Variants in SCHIP1 observed in about 807,000 individuals in gnomAD.
SCHIP1 encodes schwannomin interacting protein 1.
SCHIP1 carries 8 observed loss-of-function variants against 29.7 expected under a neutral mutation model. The ratio of observed to expected loss-of-function variants is 0.27; its 90% CI spans 0.16 to 0.49. SCHIP1 has a LOEUF of 0.49. Ranked by LOEUF, SCHIP1 falls within the 20% of genes least tolerant of loss-of-function variation. The pLI is 0.99. For missense variants in SCHIP1, 193 were observed against 294.6 expected (o/e 0.66, Z 2.52); for synonymous variants, 76 against 94.9 (o/e 0.80, Z 1.16).
At chr3:159,508,351 C>T in the SCHIP1 span, among the ~76,000 whole-genome samples, 1 of 152,104 alleles carries the variant, frequency 6.6e-6, no homozygotes, top group South Asian at 2.1e-4. Context: ...TTTGATTCTT[C>T]TCTCTTTTCT....
At chr3:159,390,561 TA>T in the SCHIP1 span, among the ~76,000 whole-genome samples, 4 of 152,068 alleles carry the variant, frequency 2.6e-5, no homozygotes, top group Admixed American at 6.6e-5. Flanking sequence ...TGAACTTATT[TA>T]AAAAAACAAA....
the SCHIP1 span, among the ~76,000 whole-genome samples, chr3:159,529,069 TATAG>T: frequency 9.6e-3 from 1,468 of 152,212 alleles, 14 homozygotes; most frequent in Non-Finnish European, 0.015. Flanking sequence ...AGATAATATA[TATAG>T]ATAATGTATA....
the SCHIP1 span, among the ~76,000 whole-genome samples, chr3:159,682,155 T>G: frequency 3.3e-5 from 5 of 152,212 alleles, no homozygotes; most frequent in Middle Eastern, 6.4e-3. Context: ...TACTTATCCT[T>G]TCTGAGGTTT....
At chr3:159,551,850 G>A in the SCHIP1 span, among the ~76,000 whole-genome samples, 1 of 152,098 alleles carries the variant, frequency 6.6e-6, no homozygotes, top group Non-Finnish European at 1.5e-5. Context: ...CCAGAATTCA[G>A]ATTGGAGGTA....
chr3:159,685,083 T>C, the SCHIP1 span, among the ~76,000 whole-genome samples: 1 of 152,160 alleles, frequency 6.6e-6, no homozygotes, highest in Non-Finnish European at 1.5e-5. Context: ...TCAACCAATA[T>C]TTATTGACCC....
the SCHIP1 span, among the ~76,000 whole-genome samples, chr3:159,614,628 T>C: frequency 6.6e-6 from 1 of 152,346 alleles, no homozygotes; most frequent in East Asian, 1.9e-4. Flanking sequence ...TCTCAACCCT[T>C]CTCAATTCTG....
the SCHIP1 span, among the ~76,000 whole-genome samples, chr3:159,334,061 C>A: frequency 6.6e-6 from 1 of 152,164 alleles, no homozygotes; most frequent in African/African-American, 2.4e-5. Flanking sequence ...TGCCAAAGAT[C>A]ATGTTTTATG....
At position 159,892,308 on chromosome 3, in the gene SCHIP1, A is replaced by T. The variant is rs1577505555; in HGVS notation, c.683+118A>T. 6.8e-6 allele frequency: 8 copies of T among 1,182,398 alleles called. No individual in the cohort carries two copies. The East Asian group carries it at 2.0e-4, about 30-fold the overall frequency. The allele number at this position is 1,182,398 out of a possible 1,614,324, so 73.2% of individuals were successfully genotyped here. A position where few individuals can be genotyped will look rare whatever the true frequency, so the allele number is the denominator to read the frequency against. On this transcript the variant is annotated intron_variant, in intron 6 of 6. Transcript: ENST00000445224. ...CTCTACTTCCATAAATAACTCACCTAGCCTTTTCTGGTGCCAGCTGTTCAG... is the reference window on the plus strand; with the variant it reads ...CTCTACTTCCATAAATAACTCACCTTGCCTTTTCTGGTGCCAGCTGTTCAG...
chr3:159,305,790 G>A, the SCHIP1 span, among the ~76,000 whole-genome samples: 2 of 152,188 alleles, frequency 1.3e-5, no homozygotes, highest in African/African-American at 4.8e-5. Flanking sequence ...GATTCAGGGA[G>A]GTTAAATGGA....
chr3:159,697,269 T>G, the SCHIP1 span, among the ~76,000 whole-genome samples: 16 of 152,156 alleles, frequency 1.1e-4, no homozygotes, highest in African/African-American at 3.9e-4. Flanking sequence ...GAAGAAAGAC[T>G]AAAGGATAAT....
At chr3:159,440,359 G>T in the SCHIP1 span, among the ~76,000 whole-genome samples, 1 of 152,050 alleles carries the variant, frequency 6.6e-6, no homozygotes, top group African/African-American at 2.4e-5. Flanking sequence ...CTCCAGCCTT[G>T]TTCCTTTTTC....
At chr3:159,410,535 C>T in the SCHIP1 span, among the ~76,000 whole-genome samples, 1 of 152,090 alleles carries the variant, frequency 6.6e-6, no homozygotes, top group African/African-American at 2.4e-5. Flanking sequence ...AAGTGCTCAA[C>T]ATCACTGATC....
chr3:159,764,509 A>G, the SCHIP1 span: 2 of 1,587,196 alleles, frequency 1.3e-6, no homozygotes, highest in African/African-American at 1.3e-5. This position sits in a 1 kb window ranked among gnomAD's most constrained non-coding sequence, Gnocchi z 6.1. Flanking sequence ...CAGCCGCGCC[A>G]GTTCACAGTC....
chr3:159,668,386 A>C, the SCHIP1 span, among the ~76,000 whole-genome samples: 1 of 150,698 alleles, frequency 6.6e-6, no homozygotes, highest in Non-Finnish European at 1.5e-5. Flanking sequence ...CAAAAAAAAA[A>C]AAAAAAAAAA....
At chr3:159,403,631 G>A in the SCHIP1 span, among the ~76,000 whole-genome samples, 1 of 152,218 alleles carries the variant, frequency 6.6e-6, no homozygotes, top group South Asian at 2.1e-4. Flanking sequence ...GCCCATCCCA[G>A]CAGTCAGAAT....
the SCHIP1 span, among the ~76,000 whole-genome samples, chr3:159,719,913 G>T: frequency 2.0e-5 from 3 of 152,144 alleles, no homozygotes; most frequent in African/African-American, 7.2e-5. Flanking sequence ...AAATCATGCT[G>T]CTCTAAAGAC....
chr3:159,403,251 G>A, the SCHIP1 span, among the ~76,000 whole-genome samples: 1 of 152,238 alleles, frequency 6.6e-6, no homozygotes, highest in Non-Finnish European at 1.5e-5. Flanking sequence ...GGATTTTCCT[G>A]GAGATTTTTA....
the SCHIP1 span, among the ~76,000 whole-genome samples, chr3:159,667,222 A>G: frequency 6.6e-6 from 1 of 152,184 alleles, no homozygotes; most frequent in Non-Finnish European, 1.5e-5. Context: ...AGGACACATG[A>G]GATGACAGGG....
At chr3:159,634,836 A>C in the SCHIP1 span, among the ~76,000 whole-genome samples, 4 of 152,106 alleles carry the variant, frequency 2.6e-5, no homozygotes, top group Admixed American at 6.6e-5. Flanking sequence ...TATATTTTGC[A>C]GCAACTGTCA....
Sources: allele counts gnomAD v4.1 joint callset (sites outside exome capture counted in the v4.1 genomes callset), GRCh38; gene constraint gnomAD v4.1.1; non-coding constraint Gnocchi (gnomAD v3.1); transcripts MANE v1.5; gene names NCBI Gene and HGNC (gene_info 2026-07-23, HGNC 2026-07-21).